Variants in CACNA1C observed in about 807,000 individuals in gnomAD.
The protein encoded by CACNA1C is calcium voltage-gated channel subunit alpha1 C.
Under a neutral mutation model 229.0 loss-of-function variants are expected in CACNA1C, and 30 were observed. The observed-to-expected ratio is 0.13, with a 90% CI of 0.10 to 0.18. The LOEUF (loss-of-function observed/expected upper bound fraction) is 0.18, where lower values mean the gene tolerates loss of function less well. CACNA1C is among the 10% of genes least tolerant of loss of function. The probability of loss-of-function intolerance (pLI) is 1.00; values close to 1 mark genes in which losing one functional copy is unlikely to be tolerated. For synonymous variants in CACNA1C, 1,114 were observed against 1,132.5 expected, an observed-to-expected ratio of 0.98 and a Z score of 0.33; for missense variants, 1,658 against 2,845.0, an observed-to-expected ratio of 0.58 and a Z score of 9.49.
intron 11 of CACNA1C, among the ~76,000 whole-genome samples, chr12:2,561,206 G>A (rs143162837): frequency 5.0e-4 from 76 of 152,352 alleles, no homozygotes; most frequent in African/African-American, 1.8e-3. Flanking sequence ...GGTCTTGTGA[G>A]CTCCGCGGAG....
At chr12:2,492,819 T>A (rs1199790453) in intron 6 of CACNA1C, among the ~76,000 whole-genome samples, 2 of 152,240 alleles carry the variant, frequency 1.3e-5, no homozygotes, top group Non-Finnish European at 2.9e-5. Flanking sequence ...AATCGCTTTC[T>A]GGGTCAGTTT....
intron 3 of CACNA1C, among the ~76,000 whole-genome samples, chr12:2,415,604 C>T (rs756544667): frequency 1.2e-4 from 18 of 152,292 alleles, no homozygotes; most frequent in Non-Finnish European, 2.5e-4. Context: ...CTGTGGCTGC[C>T]GCTCTCCTCT....
At chr12:2,501,729 G>T (rs990923311) in intron 7 of CACNA1C, among the ~76,000 whole-genome samples, 2 of 152,160 alleles carry the variant, frequency 1.3e-5, no homozygotes, top group African/African-American at 2.4e-5. Context: ...GCTGAAGTCT[G>T]GTGTGGTTTC....
Position 2,661,280 on chromosome 12 carries a change from TAC to T in CACNA1C, c.4233-3511_4233-3510del, listed in dbSNP as rs1210712672. Among the ~76,000 whole-genome samples the T allele has an allele frequency of 5.7e-3, 699 of 123,422 alleles. 8 individuals are homozygous for T. The highest frequency in any genetic ancestry group is 0.018 in the African/African-American group (560 of 31,188). 81.0% of individuals were successfully genotyped at this position (123,422 alleles called of 152,430 possible). On this transcript the variant is annotated intron_variant, in intron 34 of 46. Transcript: ENST00000399655. ...CCATCTCTAAACACATACACACACA[TAC>T]ACACACACACACACACACACACACA...
At chr12:2,221,686 G>A (rs1284098557) in intron 3 of CACNA1C, 3 of 152,192 alleles carry the variant, frequency 2.0e-5, no homozygotes, top group Non-Finnish European at 2.9e-5. Context: ...CAAGTCCATA[G>A]GATTTTATCC....
At chr12:2,568,322 T>C (rs2052385915) in intron 13 of CACNA1C, among the ~76,000 whole-genome samples, 1 of 152,134 alleles carries the variant, frequency 6.6e-6, no homozygotes, top group South Asian at 2.1e-4. Context: ...TCATAAGGGT[T>C]GGCAATGACA....
chr12:2,587,557 TC>T (rs1443755354), intron 18 of CACNA1C, among the ~76,000 whole-genome samples: 1 of 152,230 alleles, frequency 6.6e-6, no homozygotes, highest in African/African-American at 2.4e-5. Context: ...TCTTGGCTTT[TC>T]TTTTCTTTGT....
In CACNA1C at chr12:1,976,871, A is replaced by G. The variant is rs998547935; in HGVS notation, c.139+5670A>G. On this transcript the variant is annotated intron_variant, in intron 1 of 46. Coordinates refer to the CACNA1C transcript ENST00000682462. Reference sequence around the variant, plus strand: ...GAGAGGGAGGGAGGGAGGGGGAGGAAGGAAAGTAGGAAGTAAAGAAGGAAG... The same window carrying G: ...GAGAGGGAGGGAGGGAGGGGGAGGAGGGAAAGTAGGAAGTAAAGAAGGAAG... Among the ~76,000 whole-genome samples, 4 of 152,020 alleles carry G rather than the reference A, an allele frequency of 2.6e-5. No individual in the cohort carries two copies. The East Asian group carries it at 7.8e-4, about 29-fold the overall frequency.
At chr12:2,279,661 C>T (rs941053391) in intron 3 of CACNA1C, among the ~76,000 whole-genome samples, 4 of 151,990 alleles carry the variant, frequency 2.6e-5, no homozygotes, top group African/African-American at 9.7e-5. Flanking sequence ...GTGTTAGTAT[C>T]GTATAGTTGG....
chr12:2,624,841 C>T (rs1249646230), intron 29 of CACNA1C, among the ~76,000 whole-genome samples: 1 of 152,120 alleles, frequency 6.6e-6, no homozygotes, highest in Non-Finnish European at 1.5e-5. Flanking sequence ...CACAGAAATC[C>T]CTAGGTAGAG....
chr12:2,506,867 A>G (rs939909977), intron 8 of CACNA1C, among the ~76,000 whole-genome samples: 2 of 152,124 alleles, frequency 1.3e-5, no homozygotes, highest in African/African-American at 2.4e-5. Context: ...CCCCCCACCA[A>G]GAGCCTGAAG....
In CACNA1C at chr12:2,691,530, C is replaced by T. The variant is rs1298621808; in HGVS notation, c.*331C>T. ...CCCGCGCGCCCTCACCAAAAGGACC[C>T]TACAGCAAACGGGTGTCTTTCGACT... On this transcript the variant is annotated 3_prime_UTR_variant, in exon 47 of 47. Transcript: ENST00000399655. The T allele has an allele frequency of 3.6e-6, 1 of 280,774 alleles. No homozygotes were observed. The highest frequency in any genetic ancestry group is 6.6e-6 in the Non-Finnish European group (1 of 151,736). 17.4% of individuals were successfully genotyped at this position (280,774 alleles called of 1,614,324 possible). A position where few individuals can be genotyped will look rare whatever the true frequency, so the allele number is the denominator to read the frequency against.
At chr12:2,496,604 G>T (rs1348647288) in intron 7 of CACNA1C, among the ~76,000 whole-genome samples, 2 of 149,496 alleles carry the variant, frequency 1.3e-5, no homozygotes, top group African/African-American at 4.9e-5. Context: ...ATCCGTTATT[G>T]CATTCCATTG....
At chr12:2,561,532 A>G (rs2047495939) in intron 11 of CACNA1C, among the ~76,000 whole-genome samples, 1 of 152,250 alleles carries the variant, frequency 6.6e-6, no homozygotes, top group Non-Finnish European at 1.5e-5. Flanking sequence ...GCCAAGGCTG[A>G]GAAGACTAGA....
intron 3 of CACNA1C, among the ~76,000 whole-genome samples, chr12:2,278,079 C>G (rs79189017): frequency 0.046 from 7,021 of 152,288 alleles, 195 homozygotes; most frequent in Middle Eastern, 0.068. Context: ...GGGACAGAAG[C>G]CATCTGATTT....
At chr12:2,156,653 C>G (rs2095569280) in intron 3 of CACNA1C, among the ~76,000 whole-genome samples, 1 of 152,212 alleles carries the variant, frequency 6.6e-6, no homozygotes, top group Admixed American at 6.5e-5. Flanking sequence ...CTCAGTTAAG[C>G]TGATGTGGGT....
rs756163787 is a variant in CACNA1C at position 2,444,821 on chromosome 12, C to T, written c.478-4155C>T. On this transcript the variant is annotated intron_variant, in intron 3 of 46. Coordinates refer to ENST00000399655, the MANE Select transcript of CACNA1C (RefSeq NM_000719.7). Reference sequence around the variant, plus strand: ...TGCTTTCTCCTCTCAAATCCACCTACATCTCACCAATCCCACTATCTCTAC... The same window carrying T: ...TGCTTTCTCCTCTCAAATCCACCTATATCTCACCAATCCCACTATCTCTAC... Among the ~76,000 whole-genome samples, 11 of 152,336 alleles carry T rather than the reference C, an allele frequency of 7.2e-5. No homozygotes were observed. The South Asian group carries it at 1.2e-3, about 17-fold the overall frequency.
At chr12:2,093,561 G>A (rs571376492) in intron 1 of CACNA1C, among the ~76,000 whole-genome samples, 6 of 152,194 alleles carry the variant, frequency 3.9e-5, no homozygotes, top group Non-Finnish European at 7.3e-5. Flanking sequence ...GTGTACCTGC[G>A]TGCATGTACT....
intron 38 of CACNA1C, among the ~76,000 whole-genome samples, chr12:2,671,064 G>A (rs770320656): frequency 3.3e-5 from 5 of 151,118 alleles, no homozygotes; most frequent in Admixed American, 1.3e-4. Flanking sequence ...CGCCAGGCTG[G>A]AGTGCAGTGG....
Sources: gnomAD v4.1 joint callset for allele counts (sites outside exome capture counted in the v4.1 genomes callset) on GRCh38, gnomAD v4.1.1 for gene constraint, MANE v1.5 for transcripts, NCBI Gene and HGNC (gene_info 2026-07-23, HGNC 2026-07-21) for gene names.